CACNA2D1: variants seen among roughly 807,000 people sequenced by gnomAD.
CACNA2D1 encodes calcium voltage-gated channel auxiliary subunit alpha2delta 1.
A neutral mutation model predicts 171.5 loss-of-function variants in CACNA2D1; 53 were observed. The observed-to-expected ratio is 0.31, with a 90% CI of 0.25 to 0.39. CACNA2D1 has a LOEUF of 0.39. CACNA2D1 is among the 10% of genes least tolerant of loss of function. The pLI is 1.00. For synonymous variants in CACNA2D1, 442 were observed against 443.1 expected, an observed-to-expected ratio of 1.00 and a Z score of 0.03; for missense variants, 903 against 1,299.8, an observed-to-expected ratio of 0.69 and a Z score of 4.69.
chr7:82,124,183 G>A (rs1790070093), intron 5 of CACNA2D1, among the ~76,000 whole-genome samples: 1 of 152,100 alleles, frequency 6.6e-6, no homozygotes, highest in Non-Finnish European at 1.5e-5. Context: ...AGAAACCTAT[G>A]AGGCAGGAGA....
At chr7:82,203,827 C>CAGTCATCGTGCAGACAACTTAA (rs1310443881) in intron 3 of CACNA2D1, among the ~76,000 whole-genome samples, 8 of 152,152 alleles carry the variant, frequency 5.3e-5, no homozygotes, top group Non-Finnish European at 1.0e-4. Flanking sequence ...GGATGGGCTA[C>CAGTCATCGTGCAGACAACTTAA]AGTCATCGTG....
rs1464686053 is a variant in CACNA2D1 at position 82,012,289 on chromosome 7, G to C, written c.1273-46C>G. 3 of 993,048 alleles carry C rather than the reference G, an allele frequency of 3.0e-6. No individual in the cohort carries two copies. The East Asian group carries it at 7.2e-5, about 24-fold the overall frequency. 61.5% of individuals were successfully genotyped at this position (993,048 alleles called of 1,614,324 possible). A position where few individuals can be genotyped will look rare whatever the true frequency, so the allele number is the denominator to read the frequency against. On this transcript the variant is annotated intron_variant, in intron 14 of 38. Coordinates refer to ENST00000356860, the MANE Select transcript of CACNA2D1 (RefSeq NM_000722.4). ...AAAAGTCGTGGTTAAAACTAGGAAT[G>C]CTGTGTTGAAATAAAAATTACAGAG...
intron 11 of CACNA2D1, among the ~76,000 whole-genome samples, chr7:82,033,968 C>T (rs1255853376): frequency 1.3e-5 from 2 of 152,122 alleles, no homozygotes; most frequent in Admixed American, 6.6e-5. Flanking sequence ...TCATATGGAA[C>T]TTTAAATTTT....
chr7:81,969,540 T>C (rs1009302179), intron 28 of CACNA2D1, among the ~76,000 whole-genome samples: 4 of 151,332 alleles, frequency 2.6e-5, no homozygotes. Flanking sequence ...TAAAATGTAA[T>C]TAATCAATGG....
intron 11 of CACNA2D1, 112 bp from the exon 12 acceptor site, chr7:82,033,013 G>A: frequency 1.5e-6 from 1 of 687,018 alleles, no homozygotes. Flanking sequence ...TGAAATATCT[G>A]CTCACAAAAT....
At chr7:82,215,605 T>C (rs1801019484) in intron 3 of CACNA2D1, among the ~76,000 whole-genome samples, 1 of 152,160 alleles carries the variant, frequency 6.6e-6, no homozygotes, top group Admixed American at 6.5e-5. Context: ...TGAGTTCTTT[T>C]ATAACTATTT....
At chr7:82,183,232 T>C (rs560998695) in intron 3 of CACNA2D1, among the ~76,000 whole-genome samples, 1 of 152,222 alleles carries the variant, frequency 6.6e-6, no homozygotes, top group South Asian at 2.1e-4. Context: ...CCAAGAGTTT[T>C]AAAACAGCCT....
intron 1 of CACNA2D1, among the ~76,000 whole-genome samples, chr7:82,366,264 T>C (rs963575742): frequency 3.9e-5 from 6 of 152,162 alleles, no homozygotes; most frequent in African/African-American, 4.8e-5. Flanking sequence ...ATATGCAGGT[T>C]TGTTATATGC....
rs569642454 is a variant in CACNA2D1, at chr7:81,983,453, A to G, written c.1874-119T>C. On this transcript the variant is annotated intron_variant, in intron 22 of 38. Coordinates refer to ENST00000356860, the MANE Select transcript of CACNA2D1 (RefSeq NM_000722.4). ...TCTTGAATAAAAATATTGTGCATAG[A>G]TCAAAGGTTCATTTATGTACAGCTG... 24 of 787,060 alleles carry G rather than the reference A, an allele frequency of 3.0e-5. No homozygotes were observed. In the African/African-American group the frequency reaches 4.1e-4, roughly 14 times the overall value. 48.8% of individuals were successfully genotyped at this position (787,060 alleles called of 1,614,324 possible). A position where few individuals can be genotyped will look rare whatever the true frequency, so the allele number is the denominator to read the frequency against.
At chr7:82,229,440 A>G (rs1043235141) in intron 3 of CACNA2D1, among the ~76,000 whole-genome samples, 4 of 152,122 alleles carry the variant, frequency 2.6e-5, no homozygotes, top group South Asian at 2.1e-4. Flanking sequence ...TAGAAAGACA[A>G]TTTACACAGA....
intron 3 of CACNA2D1, among the ~76,000 whole-genome samples, chr7:82,191,579 C>T (rs1798298432): frequency 6.6e-6 from 1 of 151,800 alleles, no homozygotes; most frequent in Non-Finnish European, 1.5e-5. Context: ...TCCTTCTACT[C>T]ATTCCTAACT....
chr7:82,279,785 G>T (rs1294808766), intron 3 of CACNA2D1, among the ~76,000 whole-genome samples: 1 of 151,928 alleles, frequency 6.6e-6, no homozygotes, highest in Non-Finnish European at 1.5e-5. Flanking sequence ...ATCATAATAA[G>T]TATATATACC....
intron 4 of CACNA2D1, among the ~76,000 whole-genome samples, chr7:82,156,773 T>G (rs1794420637): frequency 6.6e-6 from 1 of 152,072 alleles, no homozygotes; most frequent in Admixed American, 6.6e-5. Context: ...TTTCTTGAGT[T>G]AAATGTGGTT....
chr7:82,182,078 T>C (rs1029687343), intron 3 of CACNA2D1, among the ~76,000 whole-genome samples: 7 of 152,184 alleles, frequency 4.6e-5, no homozygotes, highest in Non-Finnish European at 8.8e-5. Context: ...AATTCTCCTT[T>C]CCCTTCCTTT....
intron 3 of CACNA2D1, among the ~76,000 whole-genome samples, chr7:82,245,585 G>T (rs1004239771): frequency 6.6e-6 from 1 of 151,402 alleles, no homozygotes. Context: ...GAAGACTTTC[G>T]TAAATATTCA....
At chr7:81,967,410 G>A (rs536390065) in intron 30 of CACNA2D1, among the ~76,000 whole-genome samples, 186 bp downstream of exon 30, 8 of 151,280 alleles carry the variant, frequency 5.3e-5, no homozygotes, top group Non-Finnish European at 1.2e-4. Flanking sequence ...TTATAACCTT[G>A]AAATACTTCT....
intron 3 of CACNA2D1, among the ~76,000 whole-genome samples, chr7:82,212,637 T>C (rs1800684322): frequency 6.6e-6 from 1 of 152,308 alleles, no homozygotes; most frequent in Non-Finnish European, 1.5e-5. Context: ...TTTATGTCAT[T>C]TGAGCAGATA....
intron 3 of CACNA2D1, among the ~76,000 whole-genome samples, chr7:82,231,772 G>A (rs182567561): frequency 2.0e-5 from 3 of 151,930 alleles, no homozygotes; most frequent in East Asian, 1.9e-4. Context: ...ACTGTAGCCC[G>A]ATAAATGTTT....
intron 3 of CACNA2D1, among the ~76,000 whole-genome samples, chr7:82,183,774 G>A (rs1797381958): frequency 6.6e-6 from 1 of 151,726 alleles, no homozygotes; most frequent in Admixed American, 6.6e-5. Context: ...AAATAGGTAT[G>A]TATGACTGTG....
Sources: gnomAD v4.1 joint callset for allele counts (sites outside exome capture counted in the v4.1 genomes callset) on GRCh38, gnomAD v4.1.1 for gene constraint, MANE v1.5 for transcripts, NCBI Gene and HGNC (gene_info 2026-07-23, HGNC 2026-07-21) for gene names.